Variants in CCL25 observed in about 807,000 individuals in gnomAD.
CCL25 encodes the protein C-C motif chemokine 25.
A neutral mutation model predicts 19.9 loss-of-function variants in CCL25; 14 were observed. That is an observed-to-expected ratio of 0.70 (90% CI 0.47 to 1.10). CCL25 has a LOEUF of 1.10. CCL25 is among the 50% of genes least tolerant of loss of function. The probability of loss-of-function intolerance (pLI) is 0.00; values close to 1 mark genes in which losing one functional copy is unlikely to be tolerated. For synonymous variants in CCL25, 68 were observed against 73.2 expected (o/e 0.93, Z 0.36); for missense variants, 151 against 181.2 (o/e 0.83, Z 0.96).
chr19:8,053,198 T>C, intron 2 of CCL25, 76 bp downstream of exon 2: 1 of 928,260 alleles, frequency 1.1e-6, no homozygotes. Context: ...GTCTCTTATC[T>C]CCTCCGGAAG....
chr19:8,058,859 C>T (rs1432568749), intron 5 of CCL25, among the ~76,000 whole-genome samples: 3 of 140,048 alleles, frequency 2.1e-5, no homozygotes, highest in African/African-American at 7.9e-5. Flanking sequence ...GGGGTTTCAC[C>T]ATGTTAGCCA....
At position 8,062,523 on chromosome 19, in the gene CCL25, C is replaced by T. The variant is rs141876635; in HGVS notation, c.*298C>T. ...TACCTCTCTCACTTTCTGTTTCTTG[C>T]CGTCCACCCCGGGCCATGCCAGTGT... On this transcript the variant is annotated 3_prime_UTR_variant, in exon 6 of 6. Transcript: ENST00000315626. 911 of 447,252 alleles carry T rather than the reference C, an allele frequency of 2.0e-3. 15 individuals are homozygous for T. The South Asian group carries it at 0.024, about 12-fold the overall frequency. The allele number at this position is 447,252 out of a possible 1,614,324, so 27.7% of individuals were successfully genotyped here.
rs1363261301 is a variant in CCL25 at position 8,062,204 on chromosome 19, C to T, written c.446-14C>T. 6.2e-7 allele frequency: 1 copy of T among 1,612,848 alleles called. No homozygotes were observed. Among genetic ancestry groups the T allele is most frequent in the South Asian group, 1.1e-5 (1 of 91,016 alleles). On this transcript the variant is annotated splice_polypyrimidine_tract_variant and intron_variant, in intron 5 of 5. Transcript: ENST00000315626. ...CCGTCAATTTTACTTCGGCCTCTCT[C>T]ATTGCTTCTGCAGGACTGTGAGCCG... is the stretch of plus-strand genomic sequence containing the variant.
intron 3 of CCL25, 33 bp downstream of exon 3, chr19:8,056,302 G>GGGGGGGGGGGGGGGGGGCCCC: frequency 5.1e-6 from 3 of 593,330 alleles, no homozygotes; most frequent in African/African-American, 1.9e-5. Flanking sequence ...GGGGGGTGGG[G>GGGGGGGGGGGGGGGGGGCCCC]TGCACACACA....
At chr19:8,057,690 T>C in intron 4 of CCL25, 111 bp from the exon 5 acceptor site, 1 of 1,431,944 alleles carries the variant, frequency 7.0e-7, no homozygotes, top group South Asian at 1.4e-5. Flanking sequence ...CTCAAGCACA[T>C]GGGAGACTCA....
chr19:8,054,914 C>T (rs982521997), intron 2 of CCL25, among the ~76,000 whole-genome samples: 26 of 151,364 alleles, frequency 1.7e-4, no homozygotes, highest in African/African-American at 5.3e-4. Flanking sequence ...AGTGCAATGG[C>T]GTGATCTCGG....
chr19:8,060,043 C>T (rs948449982), intron 5 of CCL25, among the ~76,000 whole-genome samples: 2 of 151,768 alleles, frequency 1.3e-5, no homozygotes, highest in African/African-American at 4.8e-5. Context: ...AAGCCGAGAT[C>T]AAGCCACTGC....
chr19:8,054,403 G>T (rs1284676301), intron 2 of CCL25, among the ~76,000 whole-genome samples: 1 of 152,208 alleles, frequency 6.6e-6, no homozygotes, highest in African/African-American at 2.4e-5. Flanking sequence ...AGAATGCGCT[G>T]CCCCTTGCCC....
At chr19:8,061,736 G>A (rs1206290423) in intron 5 of CCL25, among the ~76,000 whole-genome samples, 5 of 152,028 alleles carry the variant, frequency 3.3e-5, no homozygotes, top group Non-Finnish European at 7.4e-5. Flanking sequence ...GCTCACACCT[G>A]TAATCCCAGC....
chr19:8,056,883 C>A (rs1599230504), intron 4 of CCL25, among the ~76,000 whole-genome samples: 1 of 152,140 alleles, frequency 6.6e-6, no homozygotes. Context: ...TACTGTGTCA[C>A]CCACGCTGGA....
intron 5 of CCL25, among the ~76,000 whole-genome samples, chr19:8,060,486 G>C (rs1268814479): frequency 1.3e-5 from 2 of 152,074 alleles, no homozygotes; most frequent in Non-Finnish European, 2.9e-5. Flanking sequence ...TCCCACACAC[G>C]GATATGGTCA....
chr19:8,056,302 G>GGGC, intron 3 of CCL25, 33 bp downstream of exon 3: 1 of 593,422 alleles, frequency 1.7e-6, no homozygotes, highest in Non-Finnish European at 3.2e-6. Flanking sequence ...GGGGGGTGGG[G>GGGC]TGCACACACA....
chr19:8,060,253 A>C (rs1203033334), intron 5 of CCL25, among the ~76,000 whole-genome samples: 6 of 151,786 alleles, frequency 4.0e-5, no homozygotes, highest in Non-Finnish European at 7.4e-5. Flanking sequence ...AGGTGAGAGG[A>C]TTACTTGAGC....
chr19:8,059,046 T>C (rs2081296468), intron 5 of CCL25, among the ~76,000 whole-genome samples: 1 of 118,076 alleles, frequency 8.5e-6, no homozygotes, highest in Non-Finnish European at 1.7e-5. Context: ...TATAAACATA[T>C]ATGTAATATA....
chr19:8,060,311 C>T (rs1448208497), intron 5 of CCL25, among the ~76,000 whole-genome samples: 1 of 151,958 alleles, frequency 6.6e-6, no homozygotes, highest in Non-Finnish European at 1.5e-5. Context: ...ATTGGAACTT[C>T]AGCCTGGGGG....
rs373981042 is a variant in CCL25 at position 8,056,238 on chromosome 19, G to A, written c.160G>A (p.Val54Met). Residue 54 changes from valine (V) to methionine (M), a missense_variant, in exon 3 of 6, where the codon GTG becomes ATG. By Grantham distance (21) the Val-to-Met change is conservative. Coordinates refer to ENST00000315626, the MANE Select transcript of CCL25 (RefSeq NM_005624.4). ...CGCCTGGACTTACCGGATCCAGGAG[G>A]TGAGCGGGAGCTGCAATCTGCCTGC... ...RRAWTYRIQE[V>M]SGSCNLPAAI... 2.3e-5 allele frequency: 36 copies of A among 1,590,094 alleles called. No homozygotes were observed. The African/African-American group carries it at 4.3e-4, about 19-fold the overall frequency.
rs756112541 is a variant in CCL25 at position 8,053,133 on chromosome 19, C to A, written c.73+11C>A. 1.3e-6 allele frequency: 2 copies of A among 1,537,482 alleles called. No homozygotes were observed. Among genetic ancestry groups the A allele is most frequent in the Non-Finnish European group, 1.8e-6 (2 of 1,136,772 alleles). On this transcript the variant is annotated intron_variant, in intron 2 of 5. Transcript: ENST00000315626. ...CTGTCCACACCCAAGGTACTGTGTT[C>A]GGCAATGCCTACCACCAAGTGCCCC...
At chr19:8,060,145 G>A (rs1025766132) in intron 5 of CCL25, among the ~76,000 whole-genome samples, 22 of 150,664 alleles carry the variant, frequency 1.5e-4, no homozygotes, top group African/African-American at 4.9e-4. Context: ...ACCAGCCTGG[G>A]AAACATAGCG....
intron 5 of CCL25, among the ~76,000 whole-genome samples, chr19:8,058,234 T>TTG (rs1295779552): frequency 1.4e-5 from 2 of 147,142 alleles, no homozygotes; most frequent in Non-Finnish European, 3.0e-5. Flanking sequence ...AATTCTGACA[T>TTG]TGTGTGTGTG....
Sources: allele counts gnomAD v4.1 joint callset (sites outside exome capture counted in the v4.1 genomes callset), GRCh38; gene constraint gnomAD v4.1.1; transcripts MANE v1.5; gene names NCBI Gene and HGNC (gene_info 2026-07-23, HGNC 2026-07-21).